KCTD14: variants seen among roughly 807,000 people sequenced by gnomAD.
KCTD14 encodes the protein BTB/POZ domain-containing protein KCTD14.
In KCTD14, 7 loss-of-function variants were observed where a neutral mutation model predicts 5.9. That is an observed-to-expected ratio of 1.19 (90% confidence interval 0.68 to 2.23). The LOEUF is 2.23. KCTD14 is among the 30% of genes most tolerant of loss of function. The pLI, the probability that KCTD14 is intolerant of heterozygous loss-of-function variation, is 0.00. For missense variants in KCTD14, 342 were observed against 332.2 expected (o/e 1.03, Z -0.23); for synonymous variants, 140 against 133.1 (o/e 1.05, Z -0.36).
intron 1 of KCTD14, among the ~76,000 whole-genome samples, chr11:78,044,513 A>G (rs12275399): frequency 0.38 from 58,082 of 151,910 alleles, 11,695 homozygotes; most frequent in Non-Finnish European, 0.44. Context: ...GCACAGACAA[A>G]ACCAATTCAC....
At chr11:78,041,981 G>A (rs1212245740) in intron 1 of KCTD14, among the ~76,000 whole-genome samples, 1 of 152,144 alleles carries the variant, frequency 6.6e-6, no homozygotes, top group African/African-American at 2.4e-5. Flanking sequence ...GGCCAAGAAA[G>A]GCTTGCCACC....
At chr11:78,019,856 A>G (rs1227961884) in intron 1 of KCTD14, among the ~76,000 whole-genome samples, 1 of 152,180 alleles carries the variant, frequency 6.6e-6, no homozygotes, top group Non-Finnish European at 1.5e-5. Context: ...TTATTAAGTG[A>G]TGATGTCAGA....
chr11:78,038,808 C>A (rs1028495189), intron 1 of KCTD14: 2 of 1,533,426 alleles, frequency 1.3e-6, no homozygotes, highest in South Asian at 2.4e-5. Context: ...TCACAAAGGA[C>A]GAGGACCAGG....
At chr11:78,043,314 G>A (rs1858045097) in intron 1 of KCTD14, among the ~76,000 whole-genome samples, 1 of 152,158 alleles carries the variant, frequency 6.6e-6, no homozygotes, top group Non-Finnish European at 1.5e-5. Flanking sequence ...TCATTAGAAT[G>A]GTTAGATAAA....
chr11:78,030,166 T>A (rs188063241), intron 2 of KCTD14, among the ~76,000 whole-genome samples: 2 of 152,118 alleles, frequency 1.3e-5, no homozygotes, highest in African/African-American at 2.4e-5. Context: ...TTGCTTCTTT[T>A]TTCCCCCCCT....
chr11:78,027,839 G>T (rs191048146), upstream of KCTD14, among the ~76,000 whole-genome samples: 99 of 152,230 alleles, frequency 6.5e-4, 1 homozygote, highest in African/African-American at 2.3e-3. Flanking sequence ...GCTTCAGAGA[G>T]AATAGATTGC....
At chr11:78,020,860 C>A (rs1297843422) in intron 1 of KCTD14, among the ~76,000 whole-genome samples, 1 of 152,178 alleles carries the variant, frequency 6.6e-6, no homozygotes. Flanking sequence ...GTGCCCAGGG[C>A]CCTTTGCTTT....
Position 78,016,482 on chromosome 11 carries a change from C to A in KCTD14, c.*111G>T. ...CAATATTTAGTGGCAAGACTCTAGA[C>A]CAACCCTGGAAATTGCCTGATGTTT... On this transcript the variant is annotated 3_prime_UTR_variant, in exon 2 of 2. Coordinates refer to ENST00000353172, the MANE Select transcript of KCTD14 (RefSeq NM_023930.4). 1.1e-6 allele frequency: 1 copy of A among 945,648 alleles called. No homozygotes were observed. The highest frequency in any genetic ancestry group is 1.7e-5 in the South Asian group (1 of 57,950). The allele number at this position is 945,648 out of a possible 1,614,324, so 58.6% of individuals were successfully genotyped here.
At chr11:78,025,038 A>T (rs1857412964), upstream of KCTD14, among the ~76,000 whole-genome samples, 1 of 145,780 alleles carries the variant, frequency 6.9e-6, no homozygotes, top group Non-Finnish European at 1.5e-5. Flanking sequence ...ACTCCCCGTT[A>T]TATATATACA....
chr11:78,017,320 C>A, intron 1 of KCTD14, 50 bp from the exon 2 acceptor site: 1 of 1,510,696 alleles, frequency 6.6e-7, no homozygotes, highest in Non-Finnish European at 8.9e-7. Context: ...CCCCTGAGCG[C>A]ATTACTTATT....
At chr11:78,017,819 A>G (rs535543242) in intron 1 of KCTD14, among the ~76,000 whole-genome samples, 5 of 152,146 alleles carry the variant, frequency 3.3e-5, no homozygotes, top group Non-Finnish European at 7.4e-5. Flanking sequence ...GGAGGAGGCC[A>G]GGCACGGTGG....
chr11:78,025,152 AT>A (rs1857432430), upstream of KCTD14, among the ~76,000 whole-genome samples: 1 of 127,534 alleles, frequency 7.8e-6, no homozygotes, highest in Non-Finnish European at 1.6e-5. Context: ...ATATATATAT[AT>A]ATAAAGGGGA....
chr11:78,023,056 CGGGCGTCTGGGA>C, intron 1 of KCTD14, 92 bp downstream of exon 1: 1 of 770,128 alleles, frequency 1.3e-6, no homozygotes, highest in Non-Finnish European at 2.1e-6. Context: ...GCAGGGGGCT[CGGGCGTCTGGGA>C]GGGACGGGCA....
intron 1 of KCTD14, among the ~76,000 whole-genome samples, chr11:78,039,043 G>A (rs1332195868): frequency 6.7e-6 from 1 of 149,298 alleles, no homozygotes; most frequent in Non-Finnish European, 1.5e-5. Flanking sequence ...TAGGAGGGAA[G>A]GAGTAGAGTC....
At chr11:78,023,048 A>G (rs1051815937) in intron 1 of KCTD14, 112 bp downstream of exon 1, 33 of 707,332 alleles carry the variant, frequency 4.7e-5, no homozygotes, top group Non-Finnish European at 7.4e-5. Flanking sequence ...CGCCAGAAGC[A>G]GGGGGCTCGG....
chr11:78,020,808 C>T lies in KCTD14; in HGVS notation c.90+2352G>A, dbSNP rs193136803. Among the ~76,000 whole-genome samples, 744 of 152,298 alleles carry T rather than the reference C, an allele frequency of 4.9e-3. 4 individuals carry two copies. Among genetic ancestry groups the T allele is most frequent in the Non-Finnish European group, 7.6e-3 (517 of 68,024 alleles). On this transcript the variant is annotated intron_variant, in intron 1 of 1. Transcript: ENST00000353172. ...CACAGTAAGGGTGCCTCACCGCCATCCTTCCCAACATCCTGCCCCCCTACT... is the reference window on the plus strand; with the variant it reads ...CACAGTAAGGGTGCCTCACCGCCATTCTTCCCAACATCCTGCCCCCCTACT...
rs752086858 is a variant in KCTD14 at position 78,016,880 on chromosome 11, T to C, written c.481A>G (p.Ile161Val). The change falls in exon 2 of 2, where the codon ATA (isoleucine) becomes GTA (valine). Residue 161 changes from isoleucine (I) to valine (V), a missense_variant. Coordinates refer to ENST00000353172, the MANE Select transcript of KCTD14 (RefSeq NM_023930.4). ...LMVRLARAEA[I>V]TARKSSVLVC... ...AGCACGCTGGACTTCCGTGCTGTTA[T>C]GGCTTCTGCACGTGCCAGGCGCACC... 5.0e-6 allele frequency: 8 copies of C among 1,614,130 alleles called. No individual in the cohort carries two copies. Among genetic ancestry groups the C allele is most frequent in the South Asian group, 3.3e-5 (3 of 91,088 alleles).
intron 2 of KCTD14, among the ~76,000 whole-genome samples, chr11:78,036,584 G>A (rs773845706): frequency 1.3e-5 from 2 of 152,160 alleles, no homozygotes; most frequent in Admixed American, 6.5e-5. Context: ...GCCTCCTCCC[G>A]GCACTGCTTT....
At position 78,021,297 on chromosome 11, in the gene KCTD14, CAAAA is replaced by C. The variant is rs531185817; in HGVS notation, c.90+1859_90+1862del. 6.5e-3 allele frequency among the ~76,000 whole-genome samples: 551 copies of C among 84,966 alleles called. 1 individual carries two copies. The highest frequency in any genetic ancestry group is 8.9e-3 in the Non-Finnish European group (393 of 43,952). The allele number at this position is 84,966 out of a possible 152,430, so 55.7% of individuals were successfully genotyped here. On this transcript the variant is annotated intron_variant, in intron 1 of 1. Coordinates refer to ENST00000353172, the MANE Select transcript of KCTD14 (RefSeq NM_023930.4). ...TAGGTGACAGAGGGAGACCCTGTCT[CAAAA>C]AAAAAAAAAAAAAAAAAAAAAAAAA...
Sources: allele counts gnomAD v4.1 joint callset (sites outside exome capture counted in the v4.1 genomes callset), GRCh38; gene constraint gnomAD v4.1.1; transcripts MANE v1.5; gene names NCBI Gene and HGNC (gene_info 2026-07-23, HGNC 2026-07-21).